The following ARMH1 variants were observed in gnomAD, a reference collection of about 807,000 sequenced individuals.
ARMH1 encodes the protein armadillo like helical domain containing 1.
A neutral mutation model predicts 50.2 loss-of-function variants in ARMH1; 34 were observed. The observed-to-expected ratio is 0.68, with a 90% confidence interval of 0.51 to 0.90. ARMH1 has a LOEUF of 0.90. Ranked by LOEUF, ARMH1 falls within the 40% of genes least tolerant of loss-of-function variation. The pLI is 0.00. For synonymous variants in ARMH1, 221 were observed against 224.2 expected (o/e 0.99, Z 0.13); for missense variants, 538 against 553.9 (o/e 0.97, Z 0.29).
In ARMH1 at chr1:44,689,725, A is replaced by G; in HGVS notation, c.28A>G (p.Ile10Val). 1.9e-6 allele frequency: 3 copies of G among 1,552,032 alleles called. No individual in the cohort carries two copies. Among genetic ancestry groups the G allele is most frequent in the Non-Finnish European group, 2.6e-6 (3 of 1,147,056 alleles). The stretch of plus-strand genomic sequence containing the variant: ...GACTTCTATAAAGGAGCAGGCAGCA[A>G]TTAGCAGGCTCTTAAGTTTTTTACA... Reference protein sequence around the residue: MTSIKEQAAISRLLSFLQEW... With the variant: MTSIKEQAAVSRLLSFLQEW... Residue 10 changes from isoleucine (I) to valine (V), a missense_variant, in exon 2 of 12, where the codon ATT (isoleucine) becomes GTT (valine). Ile to Val is a conservative substitution (Grantham distance 29). Transcript: ENST00000535358.
chr1:44,702,809 G>A (rs972080631), intron 5 of ARMH1, among the ~76,000 whole-genome samples: 5 of 152,034 alleles, frequency 3.3e-5, no homozygotes, highest in Admixed American at 6.6e-5. Flanking sequence ...AAGAGTTTCC[G>A]TAAGGAGGAC....
rs190602368 is a variant in ARMH1 at position 44,700,413 on chromosome 1, A to C, written c.443-510A>C. Among the ~76,000 whole-genome samples the C allele has an allele frequency of 9.7e-4, 148 of 152,154 alleles. 3 individuals carry two copies. The highest frequency in any genetic ancestry group is 7.2e-4 in the Admixed American group (11 of 15,258). Reference sequence around the variant, plus strand: ...TGGGCGCATCACGAGGTCAGGAGATAAAGACCATCCTGGCTAACACTGTGA... The same window carrying C: ...TGGGCGCATCACGAGGTCAGGAGATCAAGACCATCCTGGCTAACACTGTGA... On this transcript the variant is annotated intron_variant, in intron 4 of 11. Coordinates refer to ENST00000535358, the MANE Select transcript of ARMH1 (RefSeq NM_001145636.2).
chr1:44,725,470 C>A lies in ARMH1; in HGVS notation c.*67C>A, dbSNP rs897442884. 13 of 1,490,348 alleles carry A rather than the reference C, an allele frequency of 8.7e-6. No individual in the cohort carries two copies. The highest frequency in any genetic ancestry group is 1.1e-5 in the Non-Finnish European group (12 of 1,093,214). The allele number at this position is 1,490,348 out of a possible 1,614,324, so 92.3% of individuals were successfully genotyped here. On this transcript the variant is annotated 3_prime_UTR_variant, in exon 12 of 12. Coordinates refer to ENST00000535358, the MANE Select transcript of ARMH1 (RefSeq NM_001145636.2). ...GGGAAGCCTGGCAAGAGGAAGGCGC[C>A]TGGGGTCAAGCTCAGAGCCACTCCA...
intron 6 of ARMH1, among the ~76,000 whole-genome samples, chr1:44,708,999 G>A (rs540209869): frequency 6.6e-6 from 1 of 152,182 alleles, no homozygotes; most frequent in South Asian, 2.1e-4. Context: ...TGGATTAAAA[G>A]AGACTTAAAA....
At chr1:44,710,608 C>CAAAAAA (rs56731047) in intron 6 of ARMH1, among the ~76,000 whole-genome samples, 16 of 92,862 alleles carry the variant, frequency 1.7e-4, no homozygotes, top group Non-Finnish European at 2.1e-4. Flanking sequence ...GACTCCGTCT[C>CAAAAAA]AAAAAAAAAA....
At chr1:44,708,785 C>T (rs770952570) in intron 6 of ARMH1, among the ~76,000 whole-genome samples, 6 of 152,148 alleles carry the variant, frequency 3.9e-5, no homozygotes, top group Admixed American at 6.5e-5. Context: ...AGGTTAGCCA[C>T]GTCCTCTGCT....
chr1:44,710,131 G>T (rs1646536150), intron 6 of ARMH1, among the ~76,000 whole-genome samples: 1 of 152,080 alleles, frequency 6.6e-6, no homozygotes, highest in Non-Finnish European at 1.5e-5. Context: ...GGGAAACAGT[G>T]GCCCTAACTG....
At position 44,682,063 on chromosome 1, in the gene ARMH1, C is replaced by T. The variant is rs535835040; in HGVS notation, c.-23+7190C>T. ...CAAGGTCTATGTTTGTCACGTTAAC[C>T]AATCCCAAGCCCAGTGCTCGGCTCA... On this transcript the variant is annotated intron_variant, in intron 1 of 11. Transcript: ENST00000535358. The surrounding 1 kb of genome is among the most constrained non-coding windows in gnomAD (Gnocchi z 4.5). 6.6e-6 allele frequency among the ~76,000 whole-genome samples: 1 copy of T among 152,312 alleles called. No homozygotes were observed. The highest frequency in any genetic ancestry group is 2.4e-5 in the African/African-American group (1 of 41,566).
At chr1:44,710,608 C>CAAAAAAAAAAAAAAAAAAAAAAAAAAA in intron 6 of ARMH1, among the ~76,000 whole-genome samples, 1 of 92,900 alleles carries the variant, frequency 1.1e-5, no homozygotes. Context: ...GACTCCGTCT[C>CAAAAAAAAAAAAAAAAAAAAAAAAAAA]AAAAAAAAAA....
chr1:44,683,854 T>C lies in ARMH1; in HGVS notation c.-22-5822T>C, dbSNP rs948790768. ...TGACCTCCTGAGGATCTTAAGAGGA[T>C]TAAAACAAAGAATTTAGGCAGGGTG... On this transcript the variant is annotated intron_variant, in intron 1 of 11. Transcript: ENST00000535358. This position sits in a 1 kb window ranked among gnomAD's most constrained non-coding sequence, Gnocchi z 4.2. Among the ~76,000 whole-genome samples the C allele has an allele frequency of 6.6e-6, 1 of 152,162 alleles. No homozygotes were observed. The highest frequency in any genetic ancestry group is 2.4e-5 in the African/African-American group (1 of 41,432).
chr1:44,678,875 G>A (rs1019079216), intron 1 of ARMH1, among the ~76,000 whole-genome samples: 2 of 152,212 alleles, frequency 1.3e-5, no homozygotes, highest in South Asian at 2.1e-4. Flanking sequence ...CCTCCCCTTC[G>A]CTTGTTGCCA....
At position 44,681,049 on chromosome 1, in the gene ARMH1, T is replaced by C. The variant is rs1161191125; in HGVS notation, c.-23+6176T>C. 1.1e-4 allele frequency among the ~76,000 whole-genome samples: 16 copies of C among 148,956 alleles called. No homozygotes were observed. The highest frequency in any genetic ancestry group is 2.0e-4 in the East Asian group (1 of 5,050). On this transcript the variant is annotated intron_variant, in intron 1 of 11. Coordinates refer to ENST00000535358, the MANE Select transcript of ARMH1 (RefSeq NM_001145636.2). The surrounding 1 kb of genome is among the most constrained non-coding windows in gnomAD (Gnocchi z 4.3). ...TCGCTCTGTCACCCAGGCTGGAGTG[T>C]AGTGGCGTGATCTCGGCTCACTGCA...
At chr1:44,700,487 A>G (rs1646028792) in intron 4 of ARMH1, among the ~76,000 whole-genome samples, 1 of 151,840 alleles carries the variant, frequency 6.6e-6, no homozygotes, top group Non-Finnish European at 1.5e-5. Flanking sequence ...CTGGTGGCAC[A>G]CACCTGTAGT....
intron 6 of ARMH1, among the ~76,000 whole-genome samples, chr1:44,721,568 A>G (rs56296258): frequency 0.04 from 6,098 of 152,208 alleles, 402 homozygotes; most frequent in African/African-American, 0.14. Context: ...AGAAGCTAAA[A>G]AAACATGACA....
chr1:44,680,475 G>C (rs1343434659), intron 1 of ARMH1, among the ~76,000 whole-genome samples: 1 of 152,230 alleles, frequency 6.6e-6, no homozygotes, highest in Admixed American at 6.5e-5. Flanking sequence ...CGCCCAGCTG[G>C]GGCCAAGTTT....
At position 44,683,977 on chromosome 1, in the gene ARMH1, A is replaced by AC. The variant is rs1645388771; in HGVS notation, c.-22-5695dup. Among the ~76,000 whole-genome samples the AC allele has an allele frequency of 6.6e-6, 1 of 151,888 alleles. No homozygotes were observed. The highest frequency in any genetic ancestry group is 2.1e-4 in the South Asian group (1 of 4,792). On this transcript the variant is annotated intron_variant, in intron 1 of 11. Transcript: ENST00000535358. This position sits in a 1 kb window ranked among gnomAD's most constrained non-coding sequence, Gnocchi z 4.2. The stretch of plus-strand genomic sequence containing the variant: ...AGATCAGCCTAGGCAACACAGAGAG[A>AC]CCCCATCTCTATAAACAAAAACAAC...
chr1:44,717,948 TG>T (rs1646919785), intron 6 of ARMH1, among the ~76,000 whole-genome samples: 1 of 152,246 alleles, frequency 6.6e-6, no homozygotes, highest in African/African-American at 2.4e-5. Flanking sequence ...CAGTGACAGC[TG>T]TGAATTTTAA....
chr1:44,678,597 C>G (rs563979786), intron 1 of ARMH1, among the ~76,000 whole-genome samples: 138 of 152,220 alleles, frequency 9.1e-4, no homozygotes, highest in Middle Eastern at 3.4e-3. Context: ...CTCCCTATCT[C>G]TGAATGGAGA....
At chr1:44,676,482 T>G (rs1436685616) in intron 1 of ARMH1, among the ~76,000 whole-genome samples, 1 of 152,138 alleles carries the variant, frequency 6.6e-6, no homozygotes, top group Non-Finnish European at 1.5e-5. Flanking sequence ...CACCCAAGTT[T>G]GAGGGTCTGG....
Sources: allele counts gnomAD v4.1 joint callset (sites outside exome capture counted in the v4.1 genomes callset), GRCh38; gene constraint gnomAD v4.1.1; non-coding constraint Gnocchi (gnomAD v3.1); transcripts MANE v1.5; gene names NCBI Gene and HGNC (gene_info 2026-07-23, HGNC 2026-07-21).